Variants in RAB3IP observed in about 807,000 individuals in gnomAD.
The protein encoded by RAB3IP is rab-3A-interacting protein.
Under a neutral mutation model 59.1 loss-of-function variants are expected in RAB3IP, and 36 were observed. The observed-to-expected ratio is 0.61, with a 90% CI of 0.47 to 0.80. RAB3IP has a LOEUF of 0.80. Ranked by LOEUF, RAB3IP falls within the 30% of genes least tolerant of loss-of-function variation. The pLI, the probability that RAB3IP is intolerant of heterozygous loss-of-function variation, is 0.00. For synonymous variants in RAB3IP, 207 were observed against 191.2 expected, an observed-to-expected ratio of 1.08 and a Z score of -0.68; for missense variants, 511 against 536.0, an observed-to-expected ratio of 0.95 and a Z score of 0.46.
chr12:69,792,472 A>T (rs775852151), intron 4 of RAB3IP, among the ~76,000 whole-genome samples: 1 of 152,218 alleles, frequency 6.6e-6, no homozygotes, highest in Non-Finnish European at 1.5e-5. Flanking sequence ...CTGAGGCTGT[A>T]TATGTATACA....
intron 1 of RAB3IP, among the ~76,000 whole-genome samples, chr12:69,747,640 C>G (rs1868545108): frequency 6.6e-6 from 1 of 152,162 alleles, no homozygotes. Flanking sequence ...AGACTTAGAT[C>G]TTCAGGTCAC....
intron 3 of RAB3IP, among the ~76,000 whole-genome samples, chr12:69,781,835 T>C (rs1467603781): frequency 3.3e-5 from 5 of 152,240 alleles, no homozygotes; most frequent in Non-Finnish European, 7.3e-5. Flanking sequence ...GCTGTAAATA[T>C]GTGTTTGCAG....
At chr12:69,746,286 GA>G (rs1362519641) in intron 1 of RAB3IP, among the ~76,000 whole-genome samples, 1 of 152,104 alleles carries the variant, frequency 6.6e-6, no homozygotes, top group Non-Finnish European at 1.5e-5. Context: ...CTCTTTTAAA[GA>G]AGGCTTTTAA....
At chr12:69,763,669 A>G (rs1871736801) in intron 3 of RAB3IP, among the ~76,000 whole-genome samples, 1 of 152,000 alleles carries the variant, frequency 6.6e-6, no homozygotes. Context: ...TTACCTGGAT[A>G]TATTGTATAG....
chr12:69,760,394 G>C (rs1215751971), intron 3 of RAB3IP, among the ~76,000 whole-genome samples: 1 of 142,144 alleles, frequency 7.0e-6, no homozygotes, highest in African/African-American at 2.5e-5. Context: ...GGGAGACCGT[G>C]GGGAGAGGGA....
intron 6 of RAB3IP, among the ~76,000 whole-genome samples, chr12:69,797,570 T>C (rs1877696146): frequency 6.7e-6 from 1 of 150,332 alleles, no homozygotes; most frequent in Non-Finnish European, 1.5e-5. Flanking sequence ...ATGTGCACAA[T>C]GTGCAGGTTA....
upstream of RAB3IP, chr12:69,738,786 A>T (rs1193124515): frequency 7.1e-6 from 1 of 140,176 alleles, no homozygotes; most frequent in East Asian, 2.2e-4. Flanking sequence ...CCTGCCGGCC[A>T]CACCCCCCTA....
At chr12:69,765,528 GA>G (rs138795495) in intron 3 of RAB3IP, among the ~76,000 whole-genome samples, 3,247 of 152,272 alleles carry the variant, frequency 0.021, 124 homozygotes, top group African/African-American at 0.074. Flanking sequence ...TGTGCTGTTG[GA>G]ATCAGTTTGG....
intron 3 of RAB3IP, among the ~76,000 whole-genome samples, 174 bp downstream of exon 3, chr12:69,756,837 A>G (rs1870317468): frequency 6.6e-6 from 1 of 152,178 alleles, no homozygotes; most frequent in East Asian, 1.9e-4. Context: ...CTGGTTGGGT[A>G]GTAAAGAAGT....
chr12:69,820,384 A>G lies in RAB3IP; in HGVS notation c.*4938A>G, dbSNP rs1177701850. ...ATGTCCACTGCTACCACTCTGCCCA[A>G]GCTATTATCATCTTTCACCTGAACT... On this transcript the variant is annotated 3_prime_UTR_variant, in exon 11 of 11. Coordinates refer to ENST00000247833, the MANE Select transcript of RAB3IP (RefSeq NM_022456.5). The G allele has an allele frequency of 1.3e-5, 2 of 152,056 alleles. No individual in the cohort carries two copies. Among genetic ancestry groups the G allele is most frequent in the South Asian group, 2.1e-4 (1 of 4,796 alleles). The allele number at this position is 152,056 out of a possible 1,614,324, so 9.4% of individuals were successfully genotyped here.
chr12:69,751,131 C>T (rs531628510), intron 1 of RAB3IP, among the ~76,000 whole-genome samples: 1 of 152,202 alleles, frequency 6.6e-6, no homozygotes, highest in Admixed American at 6.5e-5. Flanking sequence ...TCAGAGAAGG[C>T]CAGTGAGGTA....
intron 1 of RAB3IP, among the ~76,000 whole-genome samples, chr12:69,754,670 C>T (rs866179361): frequency 8.6e-5 from 13 of 152,022 alleles, no homozygotes; most frequent in Non-Finnish European, 1.3e-4. Flanking sequence ...CATGAGGTAA[C>T]GCATTCGTTA....
At chr12:69,744,434 G>C (rs1047740149) in intron 1 of RAB3IP, among the ~76,000 whole-genome samples, 4 of 152,002 alleles carry the variant, frequency 2.6e-5, no homozygotes, top group Non-Finnish European at 5.9e-5. Context: ...TTGAAGTGTT[G>C]TGGAATTAGG....
At chr12:69,755,935 AAATG>A (rs1870145572) in intron 2 of RAB3IP, among the ~76,000 whole-genome samples, 2 of 152,388 alleles carry the variant, frequency 1.3e-5, no homozygotes, top group South Asian at 4.1e-4. Context: ...GACAGTATGT[AAATG>A]AATGAGAGTG....
intron 8 of RAB3IP, among the ~76,000 whole-genome samples, chr12:69,807,986 G>C (rs930133494): frequency 6.6e-6 from 1 of 152,240 alleles, no homozygotes; most frequent in Non-Finnish European, 1.5e-5. Flanking sequence ...TGATGTTAGG[G>C]TGTCAATTTT....
chr12:69,808,601 T>C (rs1370398130), intron 8 of RAB3IP, among the ~76,000 whole-genome samples: 1 of 152,222 alleles, frequency 6.6e-6, no homozygotes, highest in Non-Finnish European at 1.5e-5. Context: ...ATTGGGTGCA[T>C]ATATATTTAG....
At chr12:69,814,794 TAC>T (rs978339527) in intron 10 of RAB3IP, among the ~76,000 whole-genome samples, 11 of 152,164 alleles carry the variant, frequency 7.2e-5, no homozygotes, top group Admixed American at 3.3e-4. Flanking sequence ...TTTTTCCACT[TAC>T]AGTGGGAACT....
chr12:69,752,378 T>G (rs2136118664), intron 1 of RAB3IP, among the ~76,000 whole-genome samples: 1 of 152,162 alleles, frequency 6.6e-6, no homozygotes, highest in Admixed American at 6.5e-5. Flanking sequence ...GGTAGTTTAC[T>G]GTTATTTATC....
Position 69,817,677 on chromosome 12 carries a change from C to CACACACACACAG in RAB3IP, c.*2241_*2242insAGACACACACAC, listed in dbSNP as rs1881281678. On this transcript the variant is annotated 3_prime_UTR_variant, in exon 11 of 11. Transcript: ENST00000247833. ...TTACACACACACACACACACACACACACACACACACTGTGTCCATGAACTT... is the reference window on the plus strand; with the variant it reads ...TTACACACACACACACACACACACACACACACACACAGACACACACACTGTGTCCATGAACTT... The CACACACACACAG allele has an allele frequency of 6.6e-6, 1 of 152,072 alleles. No individual in the cohort carries two copies. The highest frequency in any genetic ancestry group is 1.5e-5 in the Non-Finnish European group (1 of 68,466). The allele number at this position is 152,072 out of a possible 1,614,324, so 9.4% of individuals were successfully genotyped here.
Sources: gnomAD v4.1 joint callset for allele counts (sites outside exome capture counted in the v4.1 genomes callset) on GRCh38, gnomAD v4.1.1 for gene constraint, MANE v1.5 for transcripts, NCBI Gene and HGNC (gene_info 2026-07-23, HGNC 2026-07-21) for gene names.